PCSK5: variants seen among roughly 807,000 people sequenced by gnomAD.
The protein encoded by PCSK5 is prohormone convertase 5.
In PCSK5, 129 loss-of-function variants were observed where a neutral mutation model predicts 233.2. The ratio of observed to expected loss-of-function variants is 0.55; its 90% CI spans 0.48 to 0.64. The LOEUF (loss-of-function observed/expected upper bound fraction) is 0.64. Ranked by LOEUF, PCSK5 falls within the 30% of genes least tolerant of loss-of-function variation. The pLI, the probability that PCSK5 is intolerant of heterozygous loss-of-function variation, is 0.00. For synonymous variants in PCSK5, 825 were observed against 879.2 expected, an observed-to-expected ratio of 0.94 and a Z score of 1.09; for missense variants, 2,076 against 2,430.1, an observed-to-expected ratio of 0.85 and a Z score of 3.06.
At chr9:76,233,136 A>G (rs571981775) in intron 21 of PCSK5, among the ~76,000 whole-genome samples, 44 of 152,316 alleles carry the variant, frequency 2.9e-4, no homozygotes, top group Non-Finnish European at 5.9e-4. Context: ...ACAGACCTCC[A>G]TCTGACTGTT....
intron 10 of PCSK5, among the ~76,000 whole-genome samples, chr9:76,148,343 TTCTCTCTCCCTCTCTCTCCC>T (rs76717187): frequency 6.4e-5 from 9 of 140,050 alleles, no homozygotes; most frequent in South Asian, 2.5e-4. Flanking sequence ...GGGAGGGAGT[TTCTCTCTCCCTCTCTCTCCC>T]TCTCTCTCCC....
At position 75,908,939 on chromosome 9, in the gene PCSK5, CTG is replaced by C. The variant is rs1328508531; in HGVS notation, c.192+17568_192+17569del. On this transcript the variant is annotated intron_variant, in intron 1 of 37. Transcript: ENST00000674117. ...TCTATCTATCTCTCTATCTCTCTCT[CTG>C]TCTATCTATCTATCTATCTATCTAT... Among the ~76,000 whole-genome samples, 341 of 115,876 alleles carry C rather than the reference CTG, an allele frequency of 2.9e-3. 1 individual carries two copies. The highest frequency in any genetic ancestry group is 0.013 in the South Asian group (47 of 3,610). 76.0% of individuals were successfully genotyped at this position (115,876 alleles called of 152,430 possible).
chr9:75,967,412 GCAAACGA>G (rs1331181942), intron 2 of PCSK5, among the ~76,000 whole-genome samples: 3 of 152,204 alleles, frequency 2.0e-5, no homozygotes, highest in Non-Finnish European at 4.4e-5. Flanking sequence ...CCGTGTTGCT[GCAAACGA>G]CATGATTTCA....
Position 76,359,007 on chromosome 9 carries a change from G to C in PCSK5, c.*85G>C. 9.4e-7 allele frequency: 1 copy of C among 1,063,536 alleles called. No individual in the cohort carries two copies. The highest frequency in any genetic ancestry group is 1.4e-6 in the Non-Finnish European group (1 of 721,932). The allele number at this position is 1,063,536 out of a possible 1,614,324, so 65.9% of individuals were successfully genotyped here. A position where few individuals can be genotyped will look rare whatever the true frequency, so the allele number is the denominator to read the frequency against. On this transcript the variant is annotated 3_prime_UTR_variant, in exon 38 of 38. Transcript: ENST00000674117. ...GTTTTTGGTTTTATCCCCACACCAG[G>C]CTGATGTGTGAGTTTTTCTATTTGT...
In PCSK5 at chr9:75,894,422, A is replaced by C. The variant is rs145433165; in HGVS notation, c.192+3049A>C. ...GGGATGTGCAGAGTAACACAAGAAG[A>C]AAGCAAACAAACAAGCAAAAAGGAC... On this transcript the variant is annotated intron_variant, in intron 1 of 37. Transcript: ENST00000674117. Among the ~76,000 whole-genome samples, 161 of 152,338 alleles carry C rather than the reference A, an allele frequency of 1.1e-3. 4 individuals carry two copies. In the East Asian group the frequency reaches 0.027, roughly 26 times the overall value.
intron 5 of PCSK5, among the ~76,000 whole-genome samples, chr9:76,047,960 A>G (rs1246420773): frequency 1.3e-5 from 2 of 152,212 alleles, no homozygotes; most frequent in African/African-American, 4.8e-5. Flanking sequence ...GACTCAGTTT[A>G]TAAAAATCTT....
At chr9:76,133,554 T>C (rs116773376) in intron 9 of PCSK5, among the ~76,000 whole-genome samples, 1,860 of 152,210 alleles carry the variant, frequency 0.012, 38 homozygotes, top group African/African-American at 0.042. Context: ...CTTTGGGTTC[T>C]GTACCATGTT....
At chr9:75,920,659 G>A (rs1315982051) in intron 1 of PCSK5, among the ~76,000 whole-genome samples, 1 of 151,762 alleles carries the variant, frequency 6.6e-6, no homozygotes, top group Non-Finnish European at 1.5e-5. Flanking sequence ...ACAAAAACTA[G>A]TTGTGGCATG....
At chr9:76,295,210 TAA>T in intron 25 of PCSK5, 63 bp from the exon 26 acceptor site, 1 of 1,430,276 alleles carries the variant, frequency 7.0e-7, no homozygotes. Flanking sequence ...ATAAGGAGAT[TAA>T]ATTATGGTGA....
chr9:76,102,226 C>T (rs1432360132), intron 8 of PCSK5, among the ~76,000 whole-genome samples: 1 of 152,124 alleles, frequency 6.6e-6, no homozygotes, highest in Non-Finnish European at 1.5e-5. Context: ...ATATCTTTAG[C>T]ACTGACGAGC....
intron 2 of PCSK5, among the ~76,000 whole-genome samples, chr9:75,937,479 C>T (rs1587388595): frequency 1.3e-5 from 2 of 152,202 alleles, no homozygotes; most frequent in South Asian, 4.2e-4. Flanking sequence ...ACTCTCAGCC[C>T]TCCATTTAGC....
chr9:76,075,861 C>CT (rs1474727920), intron 7 of PCSK5, among the ~76,000 whole-genome samples: 2 of 152,296 alleles, frequency 1.3e-5, no homozygotes, highest in African/African-American at 4.8e-5. Context: ...CGAGCTCCCA[C>CT]TTTCTATATG....
At chr9:76,172,746 G>C (rs1414909733) in intron 13 of PCSK5, among the ~76,000 whole-genome samples, 1 of 152,180 alleles carries the variant, frequency 6.6e-6, no homozygotes, top group Non-Finnish European at 1.5e-5. Flanking sequence ...AAGGCAATCA[G>C]ATAGGTCATC....
intron 14 of PCSK5, 44 bp from the exon 15 acceptor site, chr9:76,179,552 C>G (rs984689009): frequency 1.4e-6 from 2 of 1,443,688 alleles, no homozygotes; most frequent in African/African-American, 2.8e-5. Flanking sequence ...CTGACCTGCT[C>G]TAAAATCATT....
intron 9 of PCSK5, among the ~76,000 whole-genome samples, chr9:76,118,647 A>G (rs1339874342): frequency 6.7e-6 from 1 of 149,710 alleles, no homozygotes; most frequent in Non-Finnish European, 1.5e-5. Context: ...CATTTTTAAA[A>G]TGTAGGTGTT....
intron 2 of PCSK5, among the ~76,000 whole-genome samples, chr9:75,938,390 G>A (rs1345650558): frequency 6.6e-6 from 1 of 152,194 alleles, no homozygotes; most frequent in African/African-American, 2.4e-5. Context: ...TATGGGTGAG[G>A]TTTGTGGCAC....
intron 34 of PCSK5, among the ~76,000 whole-genome samples, chr9:76,334,343 A>G (rs372537819): frequency 6.6e-6 from 1 of 152,200 alleles, no homozygotes; most frequent in South Asian, 2.1e-4. Context: ...GCCTCTTCCC[A>G]AGAAAATTAT....
chr9:76,119,991 C>G (rs1172155941), intron 9 of PCSK5, among the ~76,000 whole-genome samples: 1 of 151,980 alleles, frequency 6.6e-6, no homozygotes, highest in Non-Finnish European at 1.5e-5. Flanking sequence ...CTTCTACTTT[C>G]TATATTCATA....
chr9:76,022,635 G>A (rs549385215), intron 3 of PCSK5, among the ~76,000 whole-genome samples: 1 of 152,316 alleles, frequency 6.6e-6, no homozygotes, highest in South Asian at 2.1e-4. Context: ...AATTGTGTGG[G>A]TTAGATGAAT....
Sources: allele counts gnomAD v4.1 joint callset (sites outside exome capture counted in the v4.1 genomes callset), GRCh38; gene constraint gnomAD v4.1.1; transcripts MANE v1.5; gene names NCBI Gene and HGNC (gene_info 2026-07-23, HGNC 2026-07-21).